The following FAM120A variants were observed in gnomAD, a reference collection of about 807,000 sequenced individuals.
FAM120A encodes constitutive coactivator of PPAR-gamma-like protein 1.
FAM120A carries 15 observed loss-of-function variants against 109.7 expected under a neutral mutation model. That is an observed-to-expected ratio of 0.14 (90% CI 0.09 to 0.21). The LOEUF (loss-of-function observed/expected upper bound fraction) is 0.21. Among genes scored for constraint, FAM120A ranks in the 10% least tolerant of loss-of-function variants. The pLI, the probability that FAM120A is intolerant of heterozygous loss-of-function variation, is 1.00. For synonymous variants in FAM120A, 493 were observed against 572.8 expected, an observed-to-expected ratio of 0.86 and a Z score of 1.99; for missense variants, 899 against 1,439.3, an observed-to-expected ratio of 0.62 and a Z score of 6.07.
intron 11 of FAM120A, among the ~76,000 whole-genome samples, chr9:93,546,680 A>G (rs1019300616): frequency 6.6e-6 from 1 of 152,204 alleles, no homozygotes. Flanking sequence ...TGATCCCAGA[A>G]ACACCTGAGC....
chr9:93,541,309 G>T (rs1162358140), intron 10 of FAM120A, among the ~76,000 whole-genome samples: 1 of 152,122 alleles, frequency 6.6e-6, no homozygotes, highest in African/African-American at 2.4e-5. Context: ...GGGAAGGCAG[G>T]TCGGCTCACA....
chr9:93,478,635 C>T (rs1211853627), intron 3 of FAM120A, among the ~76,000 whole-genome samples: 10 of 152,152 alleles, frequency 6.6e-5, no homozygotes, highest in Admixed American at 6.5e-4. Flanking sequence ...TGCCACCACG[C>T]CAGCTAATTT....
At position 93,565,744 on chromosome 9, in the gene FAM120A, G is replaced by A. The variant is rs1862611531; in HGVS notation, c.*1204G>A. On this transcript the variant is annotated 3_prime_UTR_variant, in exon 18 of 18. Transcript: ENST00000277165. ...TTCTGTAGCAGGAAACAAATTGCTT[G>A]TTCTTGAGAACTTTCCCATCAAGAA... 1.3e-5 allele frequency: 2 copies of A among 149,704 alleles called. No individual in the cohort carries two copies. The highest frequency in any genetic ancestry group is 2.1e-4 in the South Asian group (1 of 4,718). The allele number at this position is 149,704 out of a possible 1,614,324, so 9.3% of individuals were successfully genotyped here.
chr9:93,550,492 T>A, intron 11 of FAM120A, 85 bp from the exon 12 acceptor site: 1 of 950,212 alleles, frequency 1.1e-6, no homozygotes, highest in Non-Finnish European at 1.7e-6. Context: ...TCATCCGGGA[T>A]TTACCTAGAA....
chr9:93,508,412 G>A (rs116030296), intron 5 of FAM120A, among the ~76,000 whole-genome samples: 3,249 of 152,186 alleles, frequency 0.021, 111 homozygotes, highest in African/African-American at 0.073. Flanking sequence ...GCCCTGACAG[G>A]TCCCCAAGGC....
chr9:93,478,407 T>C (rs1240770830), intron 3 of FAM120A, among the ~76,000 whole-genome samples: 1 of 152,182 alleles, frequency 6.6e-6, no homozygotes, highest in Non-Finnish European at 1.5e-5. Flanking sequence ...CGTTGTAGGA[T>C]TTTAAAGTCA....
At chr9:93,514,594 C>T (rs1860483028) in intron 5 of FAM120A, among the ~76,000 whole-genome samples, 1 of 152,186 alleles carries the variant, frequency 6.6e-6, no homozygotes, top group Non-Finnish European at 1.5e-5. Context: ...TCCTTTCATC[C>T]CCAGGCCCAG....
chr9:93,525,563 GC>G (rs937975561), intron 7 of FAM120A, among the ~76,000 whole-genome samples: 1 of 152,196 alleles, frequency 6.6e-6, no homozygotes, highest in Non-Finnish European at 1.5e-5. Context: ...TGCCAATGTT[GC>G]CATGTACTTC....
At position 93,529,502 on chromosome 9, in the gene FAM120A, A is replaced by T; in HGVS notation, c.1656A>T (p.Ala552=). 1 of 1,614,168 alleles carries T rather than the reference A, an allele frequency of 6.2e-7. No homozygotes were observed. Residue 552 remains alanine, a synonymous_variant, in exon 9 of 18, where the codon GCA becomes GCT. Transcript: ENST00000277165. ...DITTPPLPPV[A]PEVLRVAEHR... ...CCACACCTCCCCTGCCCCCCGTCGC[A>T]CCTGAGGTGCTGAGAGTGGCCGAGC...
intron 1 of FAM120A, among the ~76,000 whole-genome samples, chr9:93,459,128 C>T (rs1857679095): frequency 6.6e-6 from 1 of 152,190 alleles, no homozygotes; most frequent in Non-Finnish European, 1.5e-5. Flanking sequence ...CATGGAATCT[C>T]TTGATATTTG....
chr9:93,497,026 T>G (rs1246824335), intron 3 of FAM120A, among the ~76,000 whole-genome samples: 1 of 151,984 alleles, frequency 6.6e-6, no homozygotes, highest in Non-Finnish European at 1.5e-5. Context: ...AGTCCTGGGC[T>G]CTAATCTAAA....
chr9:93,541,286 T>C (rs1861690251), intron 10 of FAM120A, among the ~76,000 whole-genome samples: 1 of 152,070 alleles, frequency 6.6e-6, no homozygotes. Flanking sequence ...AGCCTTGGTG[T>C]TGGATCACAG....
rs140528585 is a variant in FAM120A at position 93,474,394 on chromosome 9, C to T, written c.722-1862C>T. 2.1e-3 allele frequency among the ~76,000 whole-genome samples: 315 copies of T among 152,010 alleles called. 1 individual carries two copies. The highest frequency in any genetic ancestry group is 3.9e-3 in the Non-Finnish European group (263 of 67,970). On this transcript the variant is annotated intron_variant, in intron 2 of 17. Transcript: ENST00000277165. ...GCCAGGCTGGAAAAGTTTCACTGTG[C>T]TCAAATGAGAAAGCTTATTTTTCTT...
intron 7 of FAM120A, among the ~76,000 whole-genome samples, chr9:93,521,837 C>T (rs930209063): frequency 6.6e-6 from 1 of 152,136 alleles, no homozygotes; most frequent in African/African-American, 2.4e-5. Flanking sequence ...CCTGTAATTT[C>T]AGCACTTTGG....
At chr9:93,491,329 GAT>G (rs964940419) in intron 3 of FAM120A, among the ~76,000 whole-genome samples, 14 of 152,354 alleles carry the variant, frequency 9.2e-5, no homozygotes, top group African/African-American at 3.1e-4. Context: ...CATGGATTGT[GAT>G]ATGTCAGGGA....
chr9:93,512,844 A>T (rs764477992), intron 5 of FAM120A, among the ~76,000 whole-genome samples: 1 of 152,320 alleles, frequency 6.6e-6, no homozygotes, highest in African/African-American at 2.4e-5. Flanking sequence ...TGCTCTGTGG[A>T]TTCACAGAGG....
intron 7 of FAM120A, among the ~76,000 whole-genome samples, chr9:93,521,582 TAAA>T (rs1220512076): frequency 7.2e-6 from 1 of 139,488 alleles, no homozygotes; most frequent in Admixed American, 7.2e-5. Flanking sequence ...CCCTGTCTCT[TAAA>T]AAAAAAAAAA....
chr9:93,464,785 G>C (rs117029301), intron 1 of FAM120A, among the ~76,000 whole-genome samples: 1,847 of 152,324 alleles, frequency 0.012, 16 homozygotes, highest in Non-Finnish European at 0.02. Flanking sequence ...TTTACCTCTG[G>C]TGGATGACTT....
chr9:93,499,558 G>A (rs1277465769), intron 5 of FAM120A, among the ~76,000 whole-genome samples: 1 of 152,142 alleles, frequency 6.6e-6, no homozygotes, highest in Admixed American at 6.5e-5. Context: ...AAAATGCTGG[G>A]ATTACAGGCA....
Sources: gnomAD v4.1 joint callset for allele counts (sites outside exome capture counted in the v4.1 genomes callset) on GRCh38, gnomAD v4.1.1 for gene constraint, MANE v1.5 for transcripts, NCBI Gene and HGNC (gene_info 2026-07-23, HGNC 2026-07-21) for gene names.